Variants in COL9A1 observed in about 807,000 individuals in gnomAD.
The protein encoded by COL9A1 is collagen type IX alpha 1 chain, also known as collagen alpha-1(IX) chain.
Under a neutral mutation model 142.6 loss-of-function variants are expected in COL9A1, and 104 were observed. The observed-to-expected ratio is 0.73, with a 90% CI of 0.62 to 0.86. The LOEUF is 0.86. COL9A1 is among the 40% of genes least tolerant of loss of function. The pLI is 0.00. For synonymous variants in COL9A1, 466 were observed against 396.0 expected (o/e 1.18, Z -2.10); for missense variants, 1,210 against 1,176.6 (o/e 1.03, Z -0.42).
At chr6:70,293,631 TCACACACACACACA>T (rs3222430) in intron 5 of COL9A1, among the ~76,000 whole-genome samples, 192 of 137,864 alleles carry the variant, frequency 1.4e-3, no homozygotes, top group African/African-American at 3.9e-3. Flanking sequence ...TCTCTCTCTT[TCACACACACACACA>T]CACACACACA....
At chr6:70,243,552 G>C (rs1770405258) in intron 28 of COL9A1, among the ~76,000 whole-genome samples, 1 of 151,792 alleles carries the variant, frequency 6.6e-6, no homozygotes. Context: ...TTTTGAGACG[G>C]AGTCTTTCTC....
intron 13 of COL9A1, 92 bp downstream of exon 13, chr6:70,271,973 G>A: frequency 7.7e-7 from 1 of 1,301,536 alleles, no homozygotes; most frequent in Non-Finnish European, 1.1e-6. Context: ...AAACACCACT[G>A]AGTAGACCGT....
Position 70,294,578 on chromosome 6 carries a change from T to C in COL9A1, c.300-15A>G, listed in dbSNP as rs578099147. ...GATATAAATTCCTGAGTAAAATTTTTAAATAGTAAACATGCATCTTGTTTC... is the reference window on the plus strand; with the variant it reads ...GATATAAATTCCTGAGTAAAATTTTCAAATAGTAAACATGCATCTTGTTTC... On this transcript the variant is annotated splice_polypyrimidine_tract_variant and intron_variant, in intron 4 of 37. Coordinates refer to ENST00000357250, the MANE Select transcript of COL9A1 (RefSeq NM_001851.6). 2 of 1,613,048 alleles carry C rather than the reference T, an allele frequency of 1.2e-6. No individual in the cohort carries two copies. The highest frequency in any genetic ancestry group is 2.7e-5 in the African/African-American group (2 of 75,012).
In COL9A1 at chr6:70,234,876, TC is replaced by T; in HGVS notation, c.2176del (p.Glu726LysfsTer42). ...PEGSRGLPGV[E>X]GPRGPPGPRG... ...GGGTCCAGGTGGTCCTCTTGGTCCTTCCACTCCAGGAAGCCCCCGACTTCCC... is the reference window on the plus strand; with the variant it reads ...GGGTCCAGGTGGTCCTCTTGGTCCTTCACTCCAGGAAGCCCCCGACTTCCC... On this transcript the variant is annotated frameshift_variant, in exon 34 of 38. Transcript: ENST00000357250. LOFTEE classifies it high-confidence loss of function. The T allele has an allele frequency of 6.2e-7, 1 of 1,614,114 alleles. No individual in the cohort carries two copies. The highest frequency in any genetic ancestry group is 8.5e-7 in the Non-Finnish European group (1 of 1,180,006).
intron 28 of COL9A1, among the ~76,000 whole-genome samples, chr6:70,246,997 A>G (rs1054674533): frequency 3.3e-5 from 5 of 152,222 alleles, no homozygotes; most frequent in Non-Finnish European, 7.3e-5. Flanking sequence ...ACTTAGAACT[A>G]TGCTTGTCTC....
chr6:70,239,314 G>C, intron 32 of COL9A1, 28 bp from the exon 33 acceptor site: 1 of 1,420,298 alleles, frequency 7.0e-7, no homozygotes, highest in South Asian at 1.2e-5. Flanking sequence ...ATTTATGTTA[G>C]AACAATGTAT....
rs1030380513 is a variant in COL9A1 at position 70,242,020 on chromosome 6, G to A, written c.1942C>T (p.Pro648Ser). 1 of 1,596,848 alleles carries A rather than the reference G, an allele frequency of 6.3e-7. No homozygotes were observed. Among genetic ancestry groups the A allele is most frequent in the South Asian group, 1.1e-5 (1 of 88,158 alleles). ...LPGKLGSLGS[P>S]GLPGLPGPPG... ...GGCCCAGGCAAGCCAGGGAGGCCAG[G>A]GCTACCCAGAGAACCCTGGAAAGCA... is the stretch of plus-strand genomic sequence containing the variant. Residue 648 changes from proline to serine, a missense_variant, in exon 30 of 38, where the codon CCT becomes TCT. Transcript: ENST00000357250.
Position 70,280,730 on chromosome 6 carries a change from C to A in COL9A1, c.975+82G>T, listed in dbSNP as rs1478133069. ...TTCTCTCTCTCTCTTTCTCTCTCTCCCTCCCCCCCCACAAAACACACACTT... is the reference window on the plus strand; with the variant it reads ...TTCTCTCTCTCTCTTTCTCTCTCTCACTCCCCCCCCACAAAACACACACTT... On this transcript the variant is annotated intron_variant, in intron 10 of 37. Coordinates refer to ENST00000357250, the MANE Select transcript of COL9A1 (RefSeq NM_001851.6). The A allele has an allele frequency of 8.2e-6, 12 of 1,458,898 alleles. No individual in the cohort carries two copies. In the Admixed American group the frequency reaches 2.4e-4, roughly 29 times the overall value. The allele number at this position is 1,458,898 out of a possible 1,614,324, so 90.4% of individuals were successfully genotyped here.
In COL9A1 at chr6:70,281,492, T is replaced by G; in HGVS notation, c.802-28A>C. 1.9e-6 allele frequency: 3 copies of G among 1,591,698 alleles called. No individual in the cohort carries two copies. In the South Asian group the frequency reaches 3.4e-5, roughly 18 times the overall value. ...GGCAAAAATAGCAGACATAGGTTAG[T>G]GGAGCACATCGGGCAACAGGGAGCA... On this transcript the variant is annotated intron_variant, in intron 7 of 37. Coordinates refer to ENST00000357250, the MANE Select transcript of COL9A1 (RefSeq NM_001851.6).
chr6:70,221,738 G>A (rs928668099), intron 37 of COL9A1, among the ~76,000 whole-genome samples: 7 of 152,168 alleles, frequency 4.6e-5, no homozygotes, highest in Admixed American at 6.5e-5. Flanking sequence ...GCACAAAGAG[G>A]AAGTCAGGAC....
At chr6:70,238,670 C>A (rs1229752735) in intron 33 of COL9A1, among the ~76,000 whole-genome samples, 2 of 152,078 alleles carry the variant, frequency 1.3e-5, no homozygotes, top group Admixed American at 6.5e-5. Context: ...TAGAGTATTA[C>A]CATGTAACAC....
chr6:70,233,707 A>G (rs1307326491), intron 35 of COL9A1, among the ~76,000 whole-genome samples: 2 of 152,228 alleles, frequency 1.3e-5, no homozygotes, highest in South Asian at 2.1e-4. Context: ...AATGTCTGCA[A>G]TGAAGAGGCC....
intron 14 of COL9A1, among the ~76,000 whole-genome samples, chr6:70,270,757 T>G (rs1401847875): frequency 3.3e-5 from 5 of 152,246 alleles, no homozygotes; most frequent in African/African-American, 1.2e-4. Context: ...AAAGAAGGTT[T>G]GCACTCAGTC....
chr6:70,296,262 T>C (rs755045204), intron 4 of COL9A1, among the ~76,000 whole-genome samples: 15 of 152,328 alleles, frequency 9.8e-5, no homozygotes, highest in Non-Finnish European at 1.9e-4. Flanking sequence ...ACCATTACTT[T>C]GTAATATGAC....
chr6:70,216,237 T>G lies in COL9A1; in HGVS notation c.*660A>C, dbSNP rs1444962741. 1 of 152,702 alleles carries G rather than the reference T, an allele frequency of 6.5e-6. No individual in the cohort carries two copies. The highest frequency in any genetic ancestry group is 1.9e-4 in the East Asian group (1 of 5,200). The allele number at this position is 152,702 out of a possible 1,614,324, so 9.5% of individuals were successfully genotyped here. A position where few individuals can be genotyped will look rare whatever the true frequency, so the allele number is the denominator to read the frequency against. ...ATGAATGCCAGAGTATTAAAATTAT[T>G]TCTTTGCTTTCACATAGAAGCGCTC... On this transcript the variant is annotated 3_prime_UTR_variant, in exon 38 of 38. Transcript: ENST00000357250.
chr6:70,284,412 A>T (rs988396447), intron 5 of COL9A1, among the ~76,000 whole-genome samples: 66 of 152,306 alleles, frequency 4.3e-4, no homozygotes, highest in African/African-American at 1.5e-3. Flanking sequence ...CTGAAGATGA[A>T]GGCAGTGAGA....
At chr6:70,227,921 A>G (rs1769335476) in intron 36 of COL9A1, among the ~76,000 whole-genome samples, 1 of 152,128 alleles carries the variant, frequency 6.6e-6, no homozygotes, top group Admixed American at 6.6e-5. Flanking sequence ...AAGGATGTAG[A>G]AAAAATACAT....
At chr6:70,224,457 C>T (rs1769097788) in intron 37 of COL9A1, among the ~76,000 whole-genome samples, 1 of 152,134 alleles carries the variant, frequency 6.6e-6, no homozygotes, top group African/African-American at 2.4e-5. Flanking sequence ...CCCTATAAAC[C>T]ATAATACATT....
chr6:70,221,383 C>T (rs1325752677), intron 37 of COL9A1, among the ~76,000 whole-genome samples: 2 of 152,082 alleles, frequency 1.3e-5, no homozygotes, highest in African/African-American at 4.8e-5. Flanking sequence ...TGGTATTTGA[C>T]AAAGCAGTAT....
Sources: allele counts gnomAD v4.1 joint callset (sites outside exome capture counted in the v4.1 genomes callset), GRCh38; gene constraint gnomAD v4.1.1; transcripts MANE v1.5; gene names NCBI Gene and HGNC (gene_info 2026-07-23, HGNC 2026-07-21).